The following PCNX2 variants were observed in gnomAD, a reference collection of about 807,000 sequenced individuals.
PCNX2 encodes the protein pecanex 2, also known as pecanex-like protein 2.
In PCNX2, 168 loss-of-function variants were observed where a neutral mutation model predicts 223.8. The ratio of observed to expected loss-of-function variants is 0.75; its 90% confidence interval spans 0.66 to 0.85. PCNX2 has a LOEUF of 0.85. Ranked by LOEUF, PCNX2 falls within the 40% of genes least tolerant of loss-of-function variation. The pLI is 0.00. For synonymous variants in PCNX2, 1,006 were observed against 1,052.6 expected (o/e 0.96, Z 0.86); for missense variants, 2,507 against 2,675.5 (o/e 0.94, Z 1.39).
intron 21 of PCNX2, among the ~76,000 whole-genome samples, chr1:233,098,986 TA>T (rs2102954212): frequency 6.6e-6 from 1 of 152,326 alleles, no homozygotes; most frequent in South Asian, 2.1e-4. Context: ...CACAACCTAG[TA>T]ATTTTAGAGC....
At chr1:233,067,656 A>T (rs1672676487) in intron 23 of PCNX2, among the ~76,000 whole-genome samples, 1 of 152,044 alleles carries the variant, frequency 6.6e-6, no homozygotes, top group Non-Finnish European at 1.5e-5. Context: ...GTATTTTAAT[A>T]GAGATGGGGT....
chr1:233,285,854 C>T (rs1661420622), intron 1 of PCNX2, among the ~76,000 whole-genome samples: 1 of 152,108 alleles, frequency 6.6e-6, no homozygotes, highest in South Asian at 2.1e-4. Context: ...AATAAGTTGC[C>T]CTTTATAGAA....
At chr1:233,130,465 T>TGTGTGTGTGTG (rs1553296590) in intron 21 of PCNX2, among the ~76,000 whole-genome samples, 23 of 136,472 alleles carry the variant, frequency 1.7e-4, no homozygotes, top group Admixed American at 1.3e-3. Context: ...CCCCCAACTT[T>TGTGTGTGTGTG]TGTGTGTGTG....
At chr1:233,125,792 C>G (rs572409636) in intron 21 of PCNX2, 1 of 152,294 alleles carries the variant, frequency 6.6e-6, no homozygotes, top group East Asian at 1.9e-4. Flanking sequence ...ACAATTACCA[C>G]CACGTAGAGA....
At chr1:233,093,716 T>C (rs971696326) in intron 22 of PCNX2, among the ~76,000 whole-genome samples, 3 of 151,188 alleles carry the variant, frequency 2.0e-5, no homozygotes, top group Non-Finnish European at 4.4e-5. Flanking sequence ...TCCAGGGAGG[T>C]CAATTTGAAG....
intron 10 of PCNX2, among the ~76,000 whole-genome samples, chr1:233,218,468 T>C (rs1271979356): frequency 6.6e-6 from 1 of 151,986 alleles, no homozygotes; most frequent in African/African-American, 2.4e-5. Context: ...GTCAGGATGG[T>C]CTTGATCTCC....
rs1286549313 is a variant in PCNX2 at position 233,253,333 on chromosome 1, G to A, written c.1835-545C>T. Among the ~76,000 whole-genome samples the A allele has an allele frequency of 6.6e-6, 1 of 151,980 alleles. No individual in the cohort carries two copies. Among genetic ancestry groups the A allele is most frequent in the African/African-American group, 2.4e-5 (1 of 41,390 alleles). On this transcript the variant is annotated intron_variant, in intron 5 of 33. Transcript: ENST00000258229. The surrounding 1 kb of genome is among the most constrained non-coding windows in gnomAD (Gnocchi z 4.2). ...ATAGCTGGGGGCGGGGGTTGTTTTT[G>A]TTTGTTTGTTTGTTTGAGACAGGGT...
At chr1:233,034,709 T>C (rs558025352) in intron 25 of PCNX2, among the ~76,000 whole-genome samples, 32 of 152,252 alleles carry the variant, frequency 2.1e-4, no homozygotes, top group Admixed American at 7.8e-4. Flanking sequence ...GAACAGAAGG[T>C]CCAGCAACCA....
intron 30 of PCNX2, chr1:232,999,690 G>T: frequency 3.4e-6 from 1 of 290,072 alleles, no homozygotes; most frequent in Non-Finnish European, 6.5e-6. Context: ...TTGACCTCAG[G>T]TGATCCACAC....
At chr1:233,127,664 G>C (rs764827644) in intron 21 of PCNX2, among the ~76,000 whole-genome samples, 1 of 152,134 alleles carries the variant, frequency 6.6e-6, no homozygotes, top group African/African-American at 2.4e-5. Context: ...GTATAGCTAA[G>C]AGACTTTCTG....
chr1:233,001,568 G>T lies in PCNX2; in HGVS notation c.5066C>A (p.Pro1689Gln). The change falls in exon 29 of 34, where the codon CCA (proline) becomes CAA (glutamine). Residue 1689 changes from proline to glutamine, a missense_variant. By Grantham distance (76) the Pro-to-Gln change is moderately conservative. Transcript: ENST00000258229. The surrounding 1 kb of genome is among the most constrained non-coding windows in gnomAD (Gnocchi z 4.2). ...AAGTTTCAGGGACATCCTGATAGCT[G>T]GAGCTACAACTTTATGCAGTAGGTC... Reference protein sequence around the residue: ...DMDLLHKVVAPAIRMSLKLHQ... With the variant: ...DMDLLHKVVAQAIRMSLKLHQ... The T allele has an allele frequency of 6.7e-7, 1 of 1,484,434 alleles. No individual in the cohort carries two copies. Among genetic ancestry groups the T allele is most frequent in the Non-Finnish European group, 9.0e-7 (1 of 1,106,844 alleles). The allele number at this position is 1,484,434 out of a possible 1,614,324, so 92.0% of individuals were successfully genotyped here. A position where few individuals can be genotyped will look rare whatever the true frequency, so the allele number is the denominator to read the frequency against.
intron 1 of PCNX2, among the ~76,000 whole-genome samples, chr1:233,282,701 G>A (rs1397604067): frequency 1.3e-5 from 2 of 152,096 alleles, no homozygotes; most frequent in Admixed American, 6.6e-5. Context: ...AATAGACACC[G>A]AACCTCTCAT....
chr1:233,042,070 A>C (rs1054867642), intron 25 of PCNX2, among the ~76,000 whole-genome samples: 7 of 152,256 alleles, frequency 4.6e-5, no homozygotes, highest in African/African-American at 1.7e-4. Flanking sequence ...TTCATTATGT[A>C]TAGGCAAATA....
chr1:233,158,459 TACAA>T (rs1375281696), intron 19 of PCNX2, among the ~76,000 whole-genome samples: 8 of 152,068 alleles, frequency 5.3e-5, no homozygotes, highest in African/African-American at 1.7e-4. Context: ...AAGTTATAGA[TACAA>T]ATAAAGGTAT....
chr1:233,011,697 T>C (rs752403886), intron 28 of PCNX2, among the ~76,000 whole-genome samples: 1 of 152,100 alleles, frequency 6.6e-6, no homozygotes, highest in Non-Finnish European at 1.5e-5. Context: ...TGCAGGTAGA[T>C]AGGAAGGTGA....
chr1:233,289,840 T>A (rs1024178903), intron 1 of PCNX2, among the ~76,000 whole-genome samples: 3 of 152,174 alleles, frequency 2.0e-5, no homozygotes, highest in Admixed American at 6.5e-5. Flanking sequence ...ATAACAACAA[T>A]CATGTGGAAT....
At chr1:233,288,015 A>C (rs1661542582) in intron 1 of PCNX2, among the ~76,000 whole-genome samples, 1 of 151,968 alleles carries the variant, frequency 6.6e-6, no homozygotes, top group Non-Finnish European at 1.5e-5. Flanking sequence ...ATGCTAAAGG[A>C]AGAAAATGCA....
intron 25 of PCNX2, 87 bp downstream of exon 25, chr1:233,054,181 T>TCTTCCTAAAGTCACTTCC: frequency 7.9e-7 from 1 of 1,263,066 alleles, no homozygotes; most frequent in Non-Finnish European, 1.1e-6. Context: ...TTTTTCCTGT[T>TCTTCCTAAAGTCACTTCC]TAACAGTGAC....
At chr1:233,018,029 T>C (rs1168404758) in intron 26 of PCNX2, among the ~76,000 whole-genome samples, 1 of 152,130 alleles carries the variant, frequency 6.6e-6, no homozygotes, top group Non-Finnish European at 1.5e-5. Context: ...GTTTGTTTGT[T>C]TGTTTTTTGA....
Sources: gnomAD v4.1 joint callset for allele counts (sites outside exome capture counted in the v4.1 genomes callset) on GRCh38, gnomAD v4.1.1 for gene constraint, Gnocchi (gnomAD v3.1) non-coding constraint, MANE v1.5 for transcripts, NCBI Gene and HGNC (gene_info 2026-07-23, HGNC 2026-07-21) for gene names.